NRG1: variants seen among roughly 807,000 people sequenced by gnomAD.
NRG1 encodes pro-neuregulin-1, membrane-bound isoform.
Under a neutral mutation model 63.8 loss-of-function variants are expected in NRG1, and 18 were observed. The ratio of observed to expected loss-of-function variants is 0.28; its 90% CI spans 0.19 to 0.42. The LOEUF (loss-of-function observed/expected upper bound fraction) is 0.42, where lower values mean the gene tolerates loss of function less well. Among genes scored for constraint, NRG1 ranks in the 10% least tolerant of loss-of-function variants. The probability of loss-of-function intolerance (pLI) is 1.00; values close to 1 mark genes in which losing one functional copy is unlikely to be tolerated. For missense variants in NRG1, 762 were observed against 814.7 expected (o/e 0.94, Z 0.79); for synonymous variants, 302 against 301.3 (o/e 1.00, Z -0.02).
intron 1 of NRG1, among the ~76,000 whole-genome samples, chr8:32,208,578 A>C (rs907786118): frequency 1.3e-5 from 2 of 152,124 alleles, no homozygotes; most frequent in Admixed American, 6.6e-5. Context: ...ATTTTTAAAA[A>C]CTATTTGACC....
At chr8:32,506,614 C>G (rs1007851280) in intron 1 of NRG1, among the ~76,000 whole-genome samples, 1 of 152,098 alleles carries the variant, frequency 6.6e-6, no homozygotes, top group Non-Finnish European at 1.5e-5. Flanking sequence ...TTATTTCTTA[C>G]AAATGTTTTC....
At chr8:31,851,957 C>T (rs998254417) in intron 1 of NRG1, among the ~76,000 whole-genome samples, 13 of 150,838 alleles carry the variant, frequency 8.6e-5, no homozygotes, top group African/African-American at 3.2e-4. Context: ...TTTATGGCTG[C>T]ATAGTATTCC....
At chr8:32,112,945 G>A (rs996072360) in intron 1 of NRG1, among the ~76,000 whole-genome samples, 1 of 152,164 alleles carries the variant, frequency 6.6e-6, no homozygotes, top group African/African-American at 2.4e-5. Flanking sequence ...GCTGTGTACT[G>A]GAACAGCTTC....
chr8:31,651,257 G>A (rs534499679), intron 1 of NRG1, among the ~76,000 whole-genome samples: 16 of 152,244 alleles, frequency 1.1e-4, no homozygotes, highest in South Asian at 2.1e-4. Flanking sequence ...CGCTGGCATC[G>A]TCTTTTCAAA....
chr8:31,918,247 T>C (rs373241557), intron 1 of NRG1, among the ~76,000 whole-genome samples: 1 of 152,164 alleles, frequency 6.6e-6, no homozygotes, highest in East Asian at 1.9e-4. Context: ...TGTTGAATAG[T>C]AGTGGTGAGA....
At chr8:32,054,919 G>A (rs1033946056) in intron 1 of NRG1, among the ~76,000 whole-genome samples, 1 of 117,366 alleles carries the variant, frequency 8.5e-6, no homozygotes, top group Non-Finnish European at 1.6e-5. Context: ...GATGAGTCTC[G>A]CTCTGTCACC....
At chr8:32,592,722 T>C (rs1056140376) in intron 1 of NRG1, among the ~76,000 whole-genome samples, 5 of 152,146 alleles carry the variant, frequency 3.3e-5, no homozygotes, top group African/African-American at 1.2e-4. Context: ...TCAGACTATA[T>C]TGATAAGCAA....
intron 5 of NRG1, among the ~76,000 whole-genome samples, chr8:32,631,795 C>T (rs541685310): frequency 6.6e-5 from 10 of 152,194 alleles, no homozygotes; most frequent in Middle Eastern, 3.4e-3. Flanking sequence ...TAATCTAGGA[C>T]GCTTTGAGAC....
At chr8:32,340,239 A>C (rs943153242) in intron 1 of NRG1, among the ~76,000 whole-genome samples, 1 of 152,250 alleles carries the variant, frequency 6.6e-6, no homozygotes, top group Non-Finnish European at 1.5e-5. Flanking sequence ...GCATGTATGC[A>C]TACATACACA....
chr8:32,729,452 G>T (rs570746762), intron 6 of NRG1, among the ~76,000 whole-genome samples: 1 of 152,338 alleles, frequency 6.6e-6, no homozygotes, highest in African/African-American at 2.4e-5. Flanking sequence ...AAAACATGCA[G>T]TGGGGACATT....
At chr8:31,899,244 CAG>C (rs1440833903) in intron 1 of NRG1, among the ~76,000 whole-genome samples, 1 of 151,978 alleles carries the variant, frequency 6.6e-6, no homozygotes, top group East Asian at 1.9e-4. Flanking sequence ...GCTGGGACTA[CAG>C]GTGTGAATCA....
intron 1 of NRG1, among the ~76,000 whole-genome samples, chr8:31,735,469 G>A (rs773772209): frequency 4.6e-5 from 7 of 152,078 alleles, no homozygotes; most frequent in South Asian, 4.2e-4. Context: ...CTACATTTCC[G>A]CTTTTTGTAT....
intron 1 of NRG1, among the ~76,000 whole-genome samples, chr8:31,791,100 CG>C (rs1008463883): frequency 8.0e-5 from 12 of 150,278 alleles, no homozygotes; most frequent in African/African-American, 2.9e-4. Context: ...TCCCAGCTAC[CG>C]GGAAGGCTGA....
intron 1 of NRG1, among the ~76,000 whole-genome samples, chr8:32,404,288 G>C (rs1299973080): frequency 3.3e-5 from 5 of 151,828 alleles, no homozygotes; most frequent in African/African-American, 1.2e-4. Flanking sequence ...ACAAAAATCA[G>C]GGAAGGAGGA....
intron 1 of NRG1, among the ~76,000 whole-genome samples, chr8:32,477,128 A>G (rs1398569403): frequency 2.6e-5 from 4 of 152,192 alleles, no homozygotes; most frequent in African/African-American, 9.6e-5. Context: ...TATTCATTCC[A>G]GCAACAAGTC....
At chr8:32,104,614 G>A (rs140339374) in intron 1 of NRG1, among the ~76,000 whole-genome samples, 229 of 152,068 alleles carry the variant, frequency 1.5e-3, no homozygotes, top group Non-Finnish European at 2.6e-3. Flanking sequence ...CAAACACATT[G>A]TACAGCTGTA....
exon 12 of NRG1, chr8:32,764,266 C>A: frequency 6.2e-7 from 1 of 1,614,112 alleles, no homozygotes; most frequent in Admixed American, 1.7e-5. Context: ...AACCCCCTGG[C>A]AGCCAGTCTT....
intron 1 of NRG1, among the ~76,000 whole-genome samples, chr8:32,455,507 T>A (rs1821491662): frequency 6.6e-6 from 1 of 152,238 alleles, no homozygotes; most frequent in Admixed American, 6.5e-5. Flanking sequence ...TTACTGCTAA[T>A]TCAGTGTTTT....
intron 1 of NRG1, among the ~76,000 whole-genome samples, chr8:32,165,543 C>A (rs1284891465): frequency 2.6e-5 from 4 of 152,108 alleles, no homozygotes; most frequent in Non-Finnish European, 5.9e-5. Flanking sequence ...TAGCAAAAGG[C>A]AGACAGAAGT....
Sources: allele counts gnomAD v4.1 joint callset (sites outside exome capture counted in the v4.1 genomes callset), GRCh38; gene constraint gnomAD v4.1.1; transcripts MANE v1.5; gene names NCBI Gene and HGNC (gene_info 2026-07-23, HGNC 2026-07-21).